PREX1: variants seen among roughly 807,000 people sequenced by gnomAD.
PREX1 encodes the protein phosphatidylinositol 3,4,5-trisphosphate-dependent Rac exchanger 1 protein.
In PREX1, 41 loss-of-function variants were observed where a neutral mutation model predicts 198.3. The ratio of observed to expected loss-of-function variants is 0.21; its 90% CI spans 0.16 to 0.27. PREX1 has a LOEUF of 0.27. PREX1 is among the 10% of genes least tolerant of loss of function. The pLI, the probability that PREX1 is intolerant of heterozygous loss-of-function variation, is 1.00. For missense variants in PREX1, 1,620 were observed against 2,200.7 expected (o/e 0.74, Z 5.28); for synonymous variants, 843 against 887.2 (o/e 0.95, Z 0.89).
intron 31 of PREX1, among the ~76,000 whole-genome samples, chr20:48,637,104 A>G (rs2089371031): frequency 6.6e-6 from 1 of 152,168 alleles, no homozygotes. Context: ...CATTTTCTCT[A>G]TTTTGGAGAA....
At chr20:48,788,590 G>T (rs891740581) in intron 1 of PREX1, among the ~76,000 whole-genome samples, 10 of 152,172 alleles carry the variant, frequency 6.6e-5, no homozygotes, top group African/African-American at 1.7e-4. Context: ...TGAAGCTGTA[G>T]GTCTAGCTTC....
intron 26 of PREX1, 129 bp from the exon 27 acceptor site, chr20:48,644,626 G>A: frequency 3.8e-6 from 3 of 780,350 alleles, no homozygotes; most frequent in Non-Finnish European, 6.0e-6. Flanking sequence ...AGCCCAGAGA[G>A]GGCACCGAGC....
the PREX1 span, among the ~76,000 whole-genome samples, chr20:48,881,846 A>G: frequency 6.6e-6 from 1 of 152,124 alleles, no homozygotes; most frequent in Non-Finnish European, 1.5e-5. Context: ...CATCACTACA[A>G]TCTAATTTCG....
chr20:48,782,273 G>T lies in PREX1; in HGVS notation c.220-34393C>A, dbSNP rs529038350. 2.0e-5 allele frequency among the ~76,000 whole-genome samples: 3 copies of T among 152,302 alleles called. No individual in the cohort carries two copies. In the South Asian group the frequency reaches 6.2e-4, roughly 32 times the overall value. On this transcript the variant is annotated intron_variant, in intron 1 of 39. Coordinates refer to ENST00000371941, the MANE Select transcript of PREX1 (RefSeq NM_020820.4). ...AGTGGGAGATAATTGAATCATGGGG[G>T]AAGTTTCCCCCATGCGGTTCTCGTG... is the stretch of plus-strand genomic sequence containing the variant.
chr20:48,831,329 G>T (rs2090536672), upstream of PREX1, among the ~76,000 whole-genome samples: 1 of 152,204 alleles, frequency 6.6e-6, no homozygotes, highest in Non-Finnish European at 1.5e-5. Flanking sequence ...GAAAAGACCT[G>T]CTTAGTCCCC....
chr20:48,717,878 C>T (rs2089969167), intron 5 of PREX1, among the ~76,000 whole-genome samples: 1 of 152,194 alleles, frequency 6.6e-6, no homozygotes, highest in Non-Finnish European at 1.5e-5. Context: ...CCTCCCCTTT[C>T]TGTGCCTATG....
At chr20:48,727,105 G>A (rs550803863) in intron 4 of PREX1, among the ~76,000 whole-genome samples, 18 of 152,316 alleles carry the variant, frequency 1.2e-4, no homozygotes, top group Non-Finnish European at 2.2e-4. Context: ...AAAGACATGC[G>A]TGTTAAAGGA....
chr20:48,631,587 G>T (rs1183642240), intron 35 of PREX1, among the ~76,000 whole-genome samples: 5 of 152,214 alleles, frequency 3.3e-5, no homozygotes, highest in African/African-American at 1.2e-4. Context: ...CCAGTTTTCA[G>T]TAACTGGGCT....
At chr20:48,629,021 T>C (rs901677235) in intron 37 of PREX1, among the ~76,000 whole-genome samples, 1 of 151,912 alleles carries the variant, frequency 6.6e-6, no homozygotes, top group African/African-American at 2.4e-5. Context: ...TGGGCACAGT[T>C]TGTAACGGAA....
chr20:48,731,312 C>G (rs1040679302), intron 4 of PREX1, among the ~76,000 whole-genome samples: 1 of 152,204 alleles, frequency 6.6e-6, no homozygotes, highest in Non-Finnish European at 1.5e-5. Flanking sequence ...TCTAAAACAG[C>G]ATCCACCATC....
At chr20:48,786,580 C>A (rs1568863748) in intron 1 of PREX1, among the ~76,000 whole-genome samples, 1 of 151,938 alleles carries the variant, frequency 6.6e-6, no homozygotes, top group Non-Finnish European at 1.5e-5. Flanking sequence ...CAGATCTCTA[C>A]TAAAAATACA....
At position 48,666,979 on chromosome 20, in the gene PREX1, A is replaced by G. The variant is rs959954533; in HGVS notation, c.1666-624T>C. ...CTCCCTGGTCAAGAAGCCCTCATCCATCTCCAGCCTCCCTTGCAGCTACAG... is the reference window on the plus strand; with the variant it reads ...CTCCCTGGTCAAGAAGCCCTCATCCGTCTCCAGCCTCCCTTGCAGCTACAG... On this transcript the variant is annotated intron_variant, in intron 14 of 39. Transcript: ENST00000371941. This position sits in a 1 kb window ranked among gnomAD's most constrained non-coding sequence, Gnocchi z 4.3. Among the ~76,000 whole-genome samples the G allele has an allele frequency of 6.6e-6, 1 of 152,168 alleles. No individual in the cohort carries two copies.
chr20:48,814,027 G>A (rs925120533), intron 1 of PREX1, among the ~76,000 whole-genome samples: 2 of 152,176 alleles, frequency 1.3e-5, no homozygotes, highest in South Asian at 2.1e-4. Flanking sequence ...GCTCCCTGAC[G>A]TGGCAAATAA....
rs73911640 is a variant in PREX1, at chr20:48,703,815, G to A, written c.784-2929C>T. Reference sequence around the variant, plus strand: ...GCTGAAATGCCGAGCACACTACAGGGGGATACCCCCTCCACCCCAGCCCTG... The same window carrying A: ...GCTGAAATGCCGAGCACACTACAGGAGGATACCCCCTCCACCCCAGCCCTG... On this transcript the variant is annotated intron_variant, in intron 6 of 39. Coordinates refer to ENST00000371941, the MANE Select transcript of PREX1 (RefSeq NM_020820.4). Among the ~76,000 whole-genome samples, 259 of 152,230 alleles carry A rather than the reference G, an allele frequency of 1.7e-3. 1 individual carries two copies. The highest frequency in any genetic ancestry group is 5.9e-3 in the African/African-American group (246 of 41,540).
intron 7 of PREX1, among the ~76,000 whole-genome samples, chr20:48,697,870 C>T (rs1485043062): frequency 6.6e-6 from 1 of 152,212 alleles, no homozygotes; most frequent in African/African-American, 2.4e-5. Flanking sequence ...TGAATTCGCC[C>T]AGAAGCACTG....
chr20:48,859,682 A>T, the PREX1 span, among the ~76,000 whole-genome samples: 2 of 152,194 alleles, frequency 1.3e-5, no homozygotes, highest in African/African-American at 4.8e-5. Context: ...TTACCATATG[A>T]CCCAGCAATT....
intron 1 of PREX1, among the ~76,000 whole-genome samples, chr20:48,805,518 C>CT (rs1256976229): frequency 1.3e-5 from 2 of 152,230 alleles, no homozygotes; most frequent in Non-Finnish European, 2.9e-5. Flanking sequence ...GAGAATATGT[C>CT]TTGGCCCGAA....
Position 48,632,235 on chromosome 20 carries a change from G to T in PREX1, c.4526+42C>A, listed in dbSNP as rs758655000. The T allele has an allele frequency of 1.6e-5, 26 of 1,593,240 alleles. No individual in the cohort carries two copies. In the East Asian group the frequency reaches 5.6e-4, roughly 34 times the overall value. ...ATGCTAATGCCCACTCCACGTGGAG[G>T]TTTCCTGACTCCTGCCCCCAACGGG... On this transcript the variant is annotated intron_variant, in intron 35 of 39. Coordinates refer to ENST00000371941, the MANE Select transcript of PREX1 (RefSeq NM_020820.4).
At chr20:48,648,059 C>T (rs147395962) in intron 25 of PREX1, among the ~76,000 whole-genome samples, 5 of 152,074 alleles carry the variant, frequency 3.3e-5, no homozygotes, top group Non-Finnish European at 5.9e-5. Flanking sequence ...TATGCCATCA[C>T]GCCTGGCTAA....
Sources: allele counts gnomAD v4.1 joint callset (sites outside exome capture counted in the v4.1 genomes callset), GRCh38; gene constraint gnomAD v4.1.1; non-coding constraint Gnocchi (gnomAD v3.1); transcripts MANE v1.5; gene names NCBI Gene and HGNC (gene_info 2026-07-23, HGNC 2026-07-21).